Variants in KIF11 observed in about 807,000 individuals in gnomAD.
The protein encoded by KIF11 is kinesin-like protein KIF11.
A neutral mutation model predicts 121.0 loss-of-function variants in KIF11; 9 were observed. The ratio of observed to expected loss-of-function variants is 0.07; its 90% CI spans 0.04 to 0.13. The LOEUF (loss-of-function observed/expected upper bound fraction) is 0.13, where lower values mean the gene tolerates loss of function less well. Among genes scored for constraint, KIF11 ranks in the 10% least tolerant of loss-of-function variants. KIF11 has a pLI of 1.00. For missense variants in KIF11, 846 were observed against 1,217.5 expected, an observed-to-expected ratio of 0.69 and a Z score of 4.54; for synonymous variants, 408 against 421.0, an observed-to-expected ratio of 0.97 and a Z score of 0.38.
rs1025290180 is a variant in KIF11, at chr10:92,631,507, G to A, written c.1495-979G>A. Among the ~76,000 whole-genome samples the A allele has an allele frequency of 2.2e-4, 33 of 150,002 alleles. No individual in the cohort carries two copies. In the East Asian group the frequency reaches 6.0e-3, roughly 27 times the overall value. Reference sequence around the variant, plus strand: ...CTCCCGAGTAGCTGGGACTACAGGCGCCCGCCACCGCGCCCGGCTAATTTT... The same window carrying A: ...CTCCCGAGTAGCTGGGACTACAGGCACCCGCCACCGCGCCCGGCTAATTTT... On this transcript the variant is annotated intron_variant, in intron 12 of 21. Transcript: ENST00000260731.
chr10:92,625,978 A>G (rs1844671856), intron 10 of KIF11, among the ~76,000 whole-genome samples: 1 of 152,228 alleles, frequency 6.6e-6, no homozygotes. Flanking sequence ...AGAAGAATCA[A>G]TATTGTTAAA....
At chr10:92,610,542 G>T (rs181870908) in intron 6 of KIF11, among the ~76,000 whole-genome samples, 51 of 151,802 alleles carry the variant, frequency 3.4e-4, no homozygotes, top group South Asian at 1.0e-3. Context: ...TGGTTTTTTT[G>T]TGTGTGTGTG....
intron 1 of KIF11, among the ~76,000 whole-genome samples, chr10:92,598,986 C>A (rs1407380724): frequency 6.6e-6 from 1 of 152,114 alleles, no homozygotes; most frequent in Non-Finnish European, 1.5e-5. Context: ...CCATGTTGGT[C>A]AGGCTGGTCA....
At chr10:92,615,842 GTTT>G (rs71481176) in intron 8 of KIF11, among the ~76,000 whole-genome samples, 3 of 129,964 alleles carry the variant, frequency 2.3e-5, no homozygotes, top group Admixed American at 7.8e-5. Context: ...GGATTTTTTT[GTTT>G]TTTTTTTTTT....
intron 14 of KIF11, among the ~76,000 whole-genome samples, chr10:92,635,289 T>G (rs1844784143): frequency 6.6e-6 from 1 of 152,228 alleles, no homozygotes; most frequent in Admixed American, 6.5e-5. Context: ...CTGTCAGTAC[T>G]AACTTTTCAA....
chr10:92,620,494 C>G (rs1844605787), intron 9 of KIF11, among the ~76,000 whole-genome samples: 1 of 152,104 alleles, frequency 6.6e-6, no homozygotes, highest in Non-Finnish European at 1.5e-5. Flanking sequence ...TTATAAACTC[C>G]TAGATTTAAA....
rs751639011 is a variant in KIF11, at chr10:92,653,702, G to T, written c.3077G>T (p.Gly1026Val). Residue 1026 changes from glycine (G) to valine (V), a missense_variant, in exon 22 of 22, where the codon GGC (glycine) becomes GTC (valine). By Grantham distance (109) the Gly-to-Val change is moderately radical. This residue lies in a region of KIF11 where 492 missense variants were observed against 603.4 expected (regional missense o/e 0.82). Transcript: ENST00000260731. ...CATGGAAAAGACAAAGAAAACAGAG[G>T]CATTAACACACTGGAGAGGTCTAAA... Reference protein sequence around the residue: ...KSHGKDKENRGINTLERSKVE... With the variant: ...KSHGKDKENRVINTLERSKVE... The T allele has an allele frequency of 2.1e-5, 34 of 1,612,930 alleles. No homozygotes were observed. Among genetic ancestry groups the T allele is most frequent in the Admixed American group, 3.3e-5 (2 of 59,918 alleles).
chr10:92,637,665 C>T (rs1270692077), intron 16 of KIF11, 120 bp downstream of exon 16: 11 of 898,108 alleles, frequency 1.2e-5, no homozygotes, highest in South Asian at 3.4e-5. Flanking sequence ...CCTGAAAATA[C>T]CATAGCCACT....
At chr10:92,609,741 T>C (rs1429482582) in intron 6 of KIF11, among the ~76,000 whole-genome samples, 1 of 152,072 alleles carries the variant, frequency 6.6e-6, no homozygotes, top group Non-Finnish European at 1.5e-5. Context: ...TATTAAACTT[T>C]TTTTTCTTTT....
intron 21 of KIF11, among the ~76,000 whole-genome samples, chr10:92,651,548 T>TTTTTTTTTTTTTTTG (rs1844984273): frequency 8.5e-6 from 1 of 117,108 alleles, no homozygotes. Flanking sequence ...TTTTTTTTTT[T>TTTTTTTTTTTTTTTG]AGTAGAGGGG....
chr10:92,618,369 G>T (rs1158481287), intron 9 of KIF11, among the ~76,000 whole-genome samples: 1 of 151,430 alleles, frequency 6.6e-6, no homozygotes, highest in Non-Finnish European at 1.5e-5. Context: ...AACAGGCCAG[G>T]CACGGTGGCT....
chr10:92,651,548 T>TTA (rs1844984273), intron 21 of KIF11, among the ~76,000 whole-genome samples: 2 of 117,108 alleles, frequency 1.7e-5, no homozygotes, highest in African/African-American at 7.0e-5. Flanking sequence ...TTTTTTTTTT[T>TTA]AGTAGAGGGG....
rs1844308774 is a variant in KIF11, at chr10:92,597,316, T to G, written c.77+3864T>G. The G allele has an allele frequency of 2.9e-5, 6 of 209,396 alleles. No individual in the cohort carries two copies. The South Asian group carries it at 5.4e-4, about 19-fold the overall frequency. 13.0% of individuals were successfully genotyped at this position (209,396 alleles called of 1,614,324 possible). A position where few individuals can be genotyped will look rare whatever the true frequency, so the allele number is the denominator to read the frequency against. ...AATCGTTCTGTCACCCAGGCTGGAG[T>G]GCAGTGGCACAGTCTCGGCTCACTG... On this transcript the variant is annotated intron_variant, in intron 1 of 21. Coordinates refer to ENST00000260731, the MANE Select transcript of KIF11 (RefSeq NM_004523.4).
intron 1 of KIF11, among the ~76,000 whole-genome samples, chr10:92,602,342 G>T (rs890485955): frequency 1.3e-5 from 2 of 152,152 alleles, no homozygotes; most frequent in African/African-American, 4.8e-5. Flanking sequence ...ACTGGTATTA[G>T]ATCTTCTTGA....
chr10:92,594,220 T>A (rs1371668271), intron 1 of KIF11, among the ~76,000 whole-genome samples: 4 of 152,250 alleles, frequency 2.6e-5, no homozygotes. Context: ...TAACAGTTGC[T>A]GTTGCAACTT....
chr10:92,609,340 G>T (rs1027633212), intron 5 of KIF11, 45 bp from the exon 6 acceptor site: 25 of 1,437,802 alleles, frequency 1.7e-5, no homozygotes, highest in East Asian at 6.8e-5. Context: ...GTGTGTGTGT[G>T]TGTTTTAACC....
At chr10:92,598,076 T>C (rs957710623) in intron 1 of KIF11, among the ~76,000 whole-genome samples, 2 of 149,814 alleles carry the variant, frequency 1.3e-5, no homozygotes, top group African/African-American at 2.6e-5. Flanking sequence ...GATGCTGTCT[T>C]TTGATACACA....
At chr10:92,623,320 C>A (rs1216817686) in intron 10 of KIF11, among the ~76,000 whole-genome samples, 1 of 152,038 alleles carries the variant, frequency 6.6e-6, no homozygotes, top group Non-Finnish European at 1.5e-5. Flanking sequence ...TTTATTGAGG[C>A]CCATTGTATA....
At chr10:92,593,943 G>A (rs1844262871) in intron 1 of KIF11, among the ~76,000 whole-genome samples, 1 of 152,134 alleles carries the variant, frequency 6.6e-6, no homozygotes. Context: ...AAAAGATCAA[G>A]ACAAGTTAAG....
Sources: gnomAD v4.1 joint callset for allele counts (sites outside exome capture counted in the v4.1 genomes callset) on GRCh38, gnomAD v4.1.1 for gene constraint, gnomAD v4.1.1 regional missense constraint, MANE v1.5 for transcripts, NCBI Gene and HGNC (gene_info 2026-07-23, HGNC 2026-07-21) for gene names.